FNTA: variants seen among roughly 807,000 people sequenced by gnomAD.
The protein encoded by FNTA is farnesyltransferase, CAAX box, subunit alpha.
FNTA carries 27 observed loss-of-function variants against 55.2 expected under a neutral mutation model. The ratio of observed to expected loss-of-function variants is 0.49; its 90% CI spans 0.36 to 0.67. FNTA has a LOEUF of 0.67. Among genes scored for constraint, FNTA ranks in the 30% least tolerant of loss-of-function variants. The pLI is 0.00. For synonymous variants in FNTA, 176 were observed against 170.7 expected (o/e 1.03, Z -0.24); for missense variants, 422 against 464.7 (o/e 0.91, Z 0.85).
In FNTA at chr8:43,077,257, A is replaced by G. The variant is rs755339272; in HGVS notation, c.675A>G (p.Gln225=). 87 of 1,612,208 alleles carry G rather than the reference A, an allele frequency of 5.4e-5. 1 individual carries two copies. The South Asian group carries it at 8.5e-4, about 16-fold the overall frequency. ...ATAATGAGCTGCAGTATGTGGACCA[A>G]CTTCTGAAAGAGGATGTGAGAAATA... ...LWDNELQYVD[Q]LLKEDVRNNS... is the part of the protein sequence containing the mutation. The change falls in exon 6 of 9, where the codon CAA becomes CAG. Residue 225 remains glutamine, a synonymous_variant. Transcript: ENST00000302279.
chr8:43,085,098 C>G (rs202218361), intron 8 of FNTA, 62 bp from the exon 9 acceptor site: 2 of 1,377,168 alleles, frequency 1.5e-6, no homozygotes, highest in Non-Finnish European at 1.0e-6. Flanking sequence ...TGTATTGGCT[C>G]AAAGGCATTT....
chr8:43,084,214 ATCC>A (rs1811080880), intron 7 of FNTA, among the ~76,000 whole-genome samples: 1 of 139,864 alleles, frequency 7.1e-6, no homozygotes, highest in Admixed American at 7.1e-5. Flanking sequence ...GCTTGTAATT[ATCC>A]TTTTTTTTTT....
At chr8:43,081,590 G>C (rs1811028704) in intron 6 of FNTA, 1 of 152,146 alleles carries the variant, frequency 6.6e-6, no homozygotes, top group African/African-American at 2.4e-5. Context: ...TAAGAGACAG[G>C]GTTTCACTCT....
chr8:43,084,497 C>T (rs939346776), intron 7 of FNTA: 5 of 416,008 alleles, frequency 1.2e-5, no homozygotes, highest in African/African-American at 8.4e-5. Flanking sequence ...GTTTCCCAGG[C>T]ATGAGCCACT....
At chr8:43,084,246 A>C (rs1234633972) in intron 7 of FNTA, among the ~76,000 whole-genome samples, 2 of 130,116 alleles carry the variant, frequency 1.5e-5, no homozygotes, top group Non-Finnish European at 3.1e-5. Flanking sequence ...TGGAGACAGG[A>C]TCTCACTCTG....
Position 43,059,101 on chromosome 8 carries a change from A to T in FNTA, c.210A>T (p.Ala70=), listed in dbSNP as rs764579963. The change falls in exon 2 of 9, where the codon GCA becomes GCT. Residue 70 remains alanine (A), a synonymous_variant. Coordinates refer to ENST00000302279, the MANE Select transcript of FNTA (RefSeq NM_002027.3). ...SPSYVLYRDR[A]EWADIDPVPQ... The stretch of plus-strand genomic sequence containing the variant: ...GAATGTCTGTTTTCAGGGACAGAGC[A>T]GAATGGGCTGATATAGATCCGGTGC... The T allele has an allele frequency of 6.2e-7, 1 of 1,613,300 alleles. No homozygotes were observed. Among genetic ancestry groups the T allele is most frequent in the Non-Finnish European group, 8.5e-7 (1 of 1,179,710 alleles).
intron 5 of FNTA, among the ~76,000 whole-genome samples, chr8:43,074,668 T>G (rs1810869205): frequency 6.6e-6 from 1 of 152,158 alleles, no homozygotes; most frequent in South Asian, 2.1e-4. Context: ...AGTCTCAGGT[T>G]TCATACTGTA....
chr8:43,079,750 CAG>C (rs879941428), intron 6 of FNTA: 2 of 152,196 alleles, frequency 1.3e-5, no homozygotes, highest in African/African-American at 2.4e-5. Context: ...AATGAATCTG[CAG>C]AGTCAATTGA....
chr8:43,058,923 A>G lies in FNTA; in HGVS notation c.201-169A>G, dbSNP rs763195782. The stretch of plus-strand genomic sequence containing the variant: ...ATTTTACTTTAATAGTTTAATGTGT[A>G]AAACATATTGGCAAAACTTGGTCAT... On this transcript the variant is annotated intron_variant, in intron 1 of 8. Transcript: ENST00000302279. The G allele has an allele frequency of 1.1e-4, 55 of 486,272 alleles. No individual in the cohort carries two copies. In the Middle Eastern group the frequency reaches 1.6e-3, roughly 14 times the overall value. The allele number at this position is 486,272 out of a possible 1,614,324, so 30.1% of individuals were successfully genotyped here. A position where few individuals can be genotyped will look rare whatever the true frequency, so the allele number is the denominator to read the frequency against.
At chr8:43,064,354 C>T (rs959554017) in intron 3 of FNTA, 139 bp downstream of exon 3, 8 of 575,228 alleles carry the variant, frequency 1.4e-5, no homozygotes, top group Non-Finnish European at 1.5e-5. Context: ...TCTTGTTGCC[C>T]AGGCTGGAGT....
In FNTA at chr8:43,083,420, A is replaced by C. The variant is rs76860900; in HGVS notation, c.845+240A>C. ...ATCCACCAGTAAATAATGCCATTTT[A>C]ATTGTATTTAAGAATCCTGTAGTCT... On this transcript the variant is annotated intron_variant, in intron 7 of 8. Coordinates refer to ENST00000302279, the MANE Select transcript of FNTA (RefSeq NM_002027.3). 4.5e-3 allele frequency among the ~76,000 whole-genome samples: 684 copies of C among 152,288 alleles called. 9 individuals are homozygous for C. The highest frequency in any genetic ancestry group is 0.016 in the African/African-American group (653 of 41,548).
At chr8:43,071,286 A>T (rs1810784290) in intron 4 of FNTA, among the ~76,000 whole-genome samples, 2 of 152,178 alleles carry the variant, frequency 1.3e-5, no homozygotes. Context: ...GAGTTTTAGA[A>T]CATTTTCACT....
intron 1 of FNTA, among the ~76,000 whole-genome samples, chr8:43,058,535 G>A (rs1810463301): frequency 6.6e-6 from 1 of 152,122 alleles, no homozygotes; most frequent in African/African-American, 2.4e-5. Flanking sequence ...ACTTTGGGAG[G>A]CCGAGGCGGG....
chr8:43,084,279 G>A (rs1256595804), intron 7 of FNTA, among the ~76,000 whole-genome samples: 3 of 149,862 alleles, frequency 2.0e-5, no homozygotes, highest in Non-Finnish European at 4.4e-5. Flanking sequence ...GAGGGCAGTG[G>A]CATGATCGTG....
At chr8:43,079,910 A>G in intron 6 of FNTA, 1 of 154,808 alleles carries the variant, frequency 6.5e-6, no homozygotes, top group Non-Finnish European at 1.4e-5. Context: ...AAGACTTTAG[A>G]GGAAGAAGGA....
Position 43,083,223 on chromosome 8 carries a change from G to A in FNTA, c.845+43G>A, listed in dbSNP as rs554106236. 13 of 1,165,450 alleles carry A rather than the reference G, an allele frequency of 1.1e-5. No homozygotes were observed. The African/African-American group carries it at 2.0e-4, about 18-fold the overall frequency. The allele number at this position is 1,165,450 out of a possible 1,614,324, so 72.2% of individuals were successfully genotyped here. A position where few individuals can be genotyped will look rare whatever the true frequency, so the allele number is the denominator to read the frequency against. On this transcript the variant is annotated intron_variant, in intron 7 of 8. Coordinates refer to ENST00000302279, the MANE Select transcript of FNTA (RefSeq NM_002027.3). ...CTTTTTTTATATATAAAAAAGAAGT[G>A]GCTATATGATGCATCATGGAGTGTA...
chr8:43,079,529 A>C lies in FNTA; in HGVS notation c.782+2165A>C, dbSNP rs555433319. 10 of 152,746 alleles carry C rather than the reference A, an allele frequency of 6.5e-5. No individual in the cohort carries two copies. The South Asian group carries it at 1.5e-3, about 23-fold the overall frequency. The allele number at this position is 152,746 out of a possible 1,614,324, so 9.5% of individuals were successfully genotyped here. On this transcript the variant is annotated intron_variant, in intron 6 of 8. Coordinates refer to ENST00000302279, the MANE Select transcript of FNTA (RefSeq NM_002027.3). ...CTCTTTGAGGTCTGTTGTTCAGAAA[A>C]ATTTCTTGGAAAATATGATTGTTCA...
intron 1 of FNTA, among the ~76,000 whole-genome samples, chr8:43,058,447 A>C (rs1309505260): frequency 6.6e-5 from 10 of 152,212 alleles, no homozygotes; most frequent in Admixed American, 5.9e-4. Context: ...GAATCTTACT[A>C]GACCAATGAG....
chr8:43,084,601 A>G, intron 7 of FNTA, 109 bp from the exon 8 acceptor site: 1 of 782,394 alleles, frequency 1.3e-6, no homozygotes, highest in Non-Finnish European at 2.0e-6. Context: ...CATTCAAAAT[A>G]ACTCTCCTTT....
Sources: gnomAD v4.1 joint callset for allele counts (sites outside exome capture counted in the v4.1 genomes callset) on GRCh38, gnomAD v4.1.1 for gene constraint, MANE v1.5 for transcripts, NCBI Gene and HGNC (gene_info 2026-07-23, HGNC 2026-07-21) for gene names.